BCL2: variants seen among roughly 807,000 people sequenced by gnomAD.
The protein encoded by BCL2 is apoptosis regulator Bcl-2.
BCL2 carries 1 observed loss-of-function variant against 14.2 expected under a neutral mutation model. The observed-to-expected ratio is 0.07, with a 90% CI of 0.02 to 0.33. The LOEUF (loss-of-function observed/expected upper bound fraction) is 0.33, where lower values mean the gene tolerates loss of function less well. Ranked by LOEUF, BCL2 falls within the 10% of genes least tolerant of loss-of-function variation. The pLI, the probability that BCL2 is intolerant of heterozygous loss-of-function variation, is 0.99. For missense variants in BCL2, 247 were observed against 305.9 expected (o/e 0.81, Z 1.44); for synonymous variants, 151 against 137.2 (o/e 1.10, Z -0.70).
At chr18:63,302,163 A>T (rs1912978981) in intron 2 of BCL2, 2 of 195,668 alleles carry the variant, frequency 1.0e-5, no homozygotes, top group Non-Finnish European at 1.9e-5. Flanking sequence ...ACCAGTCTCT[A>T]CTAAAAAAAA....
chr18:63,305,223 C>T (rs1394522383), intron 2 of BCL2, among the ~76,000 whole-genome samples: 1 of 152,216 alleles, frequency 6.6e-6, no homozygotes, highest in Admixed American at 6.5e-5. Flanking sequence ...TTTCCCTGAA[C>T]ATTTTTGACA....
intron 2 of BCL2, among the ~76,000 whole-genome samples, chr18:63,222,414 G>A (rs199739504): frequency 1.9e-5 from 1 of 52,280 alleles, no homozygotes; most frequent in South Asian, 4.5e-4. Flanking sequence ...CAGTGATAAA[G>A]GGAAAAAAAA....
chr18:63,292,035 C>A (rs974817748), intron 2 of BCL2, among the ~76,000 whole-genome samples: 2 of 152,206 alleles, frequency 1.3e-5, no homozygotes, highest in South Asian at 4.1e-4. Flanking sequence ...GTGGACAGAT[C>A]ATGATAGTGA....
At chr18:63,265,501 C>T (rs1389615288) in intron 2 of BCL2, among the ~76,000 whole-genome samples, 1 of 152,182 alleles carries the variant, frequency 6.6e-6, no homozygotes, top group Non-Finnish European at 1.5e-5. Context: ...CACTCTATCA[C>T]TTCTTTCTTT....
intron 2 of BCL2, among the ~76,000 whole-genome samples, chr18:63,306,952 A>G (rs552602216): frequency 2.9e-4 from 44 of 151,800 alleles, no homozygotes; most frequent in African/African-American, 1.0e-3. Flanking sequence ...AAAAGATTGG[A>G]TAGCACTGCC....
intron 2 of BCL2, among the ~76,000 whole-genome samples, chr18:63,244,706 A>ACCAGATGAGTTCATTTCAT (rs1911106399): frequency 6.6e-6 from 1 of 152,208 alleles, no homozygotes; most frequent in African/African-American, 2.4e-5. Context: ...GAGAAACAGG[A>ACCAGATGAGTTCATTTCAT]CCAGATGAGT....
intron 2 of BCL2, among the ~76,000 whole-genome samples, chr18:63,238,906 G>A (rs1285509883): frequency 1.3e-5 from 2 of 152,168 alleles, no homozygotes; most frequent in Non-Finnish European, 2.9e-5. Flanking sequence ...ACCAGGAAAC[G>A]CTGGGAGACG....
At chr18:63,153,245 T>C (rs1599211684) in intron 2 of BCL2, among the ~76,000 whole-genome samples, 1 of 152,200 alleles carries the variant, frequency 6.6e-6, no homozygotes, top group Non-Finnish European at 1.5e-5. Flanking sequence ...AATTTATGAA[T>C]TCATAAAACA....
intron 2 of BCL2, among the ~76,000 whole-genome samples, chr18:63,169,370 TC>T (rs869194444): frequency 3.8e-3 from 3 of 796 alleles, no homozygotes; most frequent in Non-Finnish European, 0.012. Flanking sequence ...TCTTTCTTTC[TC>T]TTTCTTTCTT....
Position 63,298,451 on chromosome 18 carries a change from C to T in BCL2, c.585+19631G>A, listed in dbSNP as rs951351023. ...TCCTTTTAGCTAGCTATGTTGATGG[C>T]AAGCTCCAGGCAAGGTGCAAATAGC... is the stretch of plus-strand genomic sequence containing the variant. On this transcript the variant is annotated intron_variant, in intron 2 of 2. Coordinates refer to ENST00000333681, the MANE Select transcript of BCL2 (RefSeq NM_000633.3). Among the ~76,000 whole-genome samples the T allele has an allele frequency of 4.6e-5, 7 of 152,330 alleles. 1 individual carries two copies. The highest frequency in any genetic ancestry group is 1.9e-4 in the East Asian group (1 of 5,178).
At chr18:63,317,636 C>A in intron 2 of BCL2, 1 of 1,015,112 alleles carries the variant, frequency 9.9e-7, no homozygotes, top group East Asian at 7.9e-5. Context: ...GTACAACGGG[C>A]TTGTTTCAGG....
At chr18:63,187,034 T>C (rs1272115262) in intron 2 of BCL2, among the ~76,000 whole-genome samples, 3 of 152,198 alleles carry the variant, frequency 2.0e-5, no homozygotes, top group Non-Finnish European at 2.9e-5. Context: ...AGCATTTCCC[T>C]GTTTTTGCAA....
chr18:63,217,166 G>A (rs1434756233), intron 2 of BCL2, among the ~76,000 whole-genome samples: 1 of 152,184 alleles, frequency 6.6e-6, no homozygotes, highest in Non-Finnish European at 1.5e-5. Flanking sequence ...TAATATAACT[G>A]AAGGCAAACA....
intron 2 of BCL2, among the ~76,000 whole-genome samples, chr18:63,258,102 GAGGGACACAC>G (rs977130028): frequency 1.3e-5 from 2 of 152,206 alleles, no homozygotes; most frequent in African/African-American, 4.8e-5. Context: ...GCCATGTGAG[GAGGGACACAC>G]AGGGACACAG....
At chr18:63,220,809 T>C (rs1247750122) in intron 2 of BCL2, among the ~76,000 whole-genome samples, 1 of 147,834 alleles carries the variant, frequency 6.8e-6, no homozygotes, top group African/African-American at 2.5e-5. Context: ...CTGAAAGATG[T>C]CTTCAAGGAG....
At chr18:63,253,014 TG>T (rs1911359714) in intron 2 of BCL2, among the ~76,000 whole-genome samples, 1 of 152,226 alleles carries the variant, frequency 6.6e-6, no homozygotes. Flanking sequence ...ACACCAACTC[TG>T]TACACAAAAA....
chr18:63,212,950 G>A (rs554136126), intron 2 of BCL2, among the ~76,000 whole-genome samples: 4 of 152,192 alleles, frequency 2.6e-5, no homozygotes, highest in Non-Finnish European at 5.9e-5. Flanking sequence ...AAAGGAATGT[G>A]AGAGAGGAAA....
intron 2 of BCL2, among the ~76,000 whole-genome samples, chr18:63,271,739 C>G (rs1912009005): frequency 6.6e-6 from 1 of 152,198 alleles, no homozygotes; most frequent in African/African-American, 2.4e-5. Context: ...TCAAACCAAG[C>G]TAGCATTTCA....
intron 2 of BCL2, among the ~76,000 whole-genome samples, chr18:63,195,086 A>G (rs987246326): frequency 6.6e-6 from 1 of 152,230 alleles, no homozygotes; most frequent in African/African-American, 2.4e-5. Flanking sequence ...CAGTGGATGG[A>G]AATCGACCAG....
Sources: allele counts gnomAD v4.1 joint callset (sites outside exome capture counted in the v4.1 genomes callset), GRCh38; gene constraint gnomAD v4.1.1; transcripts MANE v1.5; gene names NCBI Gene and HGNC (gene_info 2026-07-23, HGNC 2026-07-21).